The following TLK1 variants were observed in gnomAD, a reference collection of about 807,000 sequenced individuals.
The protein encoded by TLK1 is serine/threonine-protein kinase tousled-like 1.
TLK1 carries 24 observed loss-of-function variants against 105.3 expected under a neutral mutation model. That is an observed-to-expected ratio of 0.23 (90% confidence interval 0.17 to 0.32). The LOEUF (loss-of-function observed/expected upper bound fraction) is 0.32. TLK1 is among the 10% of genes least tolerant of loss of function. The pLI, the probability that TLK1 is intolerant of heterozygous loss-of-function variation, is 1.00. For missense variants in TLK1, 558 were observed against 910.5 expected (o/e 0.61, Z 4.98); for synonymous variants, 321 against 310.4 (o/e 1.03, Z -0.36).
chr2:171,104,176 T>C (rs1020374013), intron 2 of TLK1, among the ~76,000 whole-genome samples: 1 of 151,608 alleles, frequency 6.6e-6, no homozygotes, highest in Non-Finnish European at 1.5e-5. Flanking sequence ...CTTGGGAGGC[T>C]GAGGCATGAG....
chr2:170,995,852 G>A (rs1002621903), intron 20 of TLK1, among the ~76,000 whole-genome samples: 12 of 152,220 alleles, frequency 7.9e-5, no homozygotes, highest in African/African-American at 2.6e-4. Flanking sequence ...AAAGGCACGG[G>A]CCCCTACACC....
intron 3 of TLK1, among the ~76,000 whole-genome samples, chr2:171,081,219 C>T (rs1688738498): frequency 6.6e-6 from 1 of 152,044 alleles, no homozygotes; most frequent in Non-Finnish European, 1.5e-5. Context: ...AGACTAATTC[C>T]TCTGAAAAAA....
chr2:171,143,027 A>C (rs1421049244), intron 1 of TLK1, among the ~76,000 whole-genome samples: 1 of 152,200 alleles, frequency 6.6e-6, no homozygotes, highest in Non-Finnish European at 1.5e-5. Flanking sequence ...GCATTGAGCC[A>C]AGATCATGCC....
intron 1 of TLK1, among the ~76,000 whole-genome samples, chr2:171,229,395 T>G (rs1254374589): frequency 6.6e-6 from 1 of 152,204 alleles, no homozygotes; most frequent in Non-Finnish European, 1.5e-5. Flanking sequence ...TTTTTTGACT[T>G]GCATTCACAT....
intron 1 of TLK1, among the ~76,000 whole-genome samples, chr2:171,203,652 T>A (rs1326777362): frequency 6.6e-6 from 1 of 152,222 alleles, no homozygotes; most frequent in Non-Finnish European, 1.5e-5. Flanking sequence ...GCTAGGAGCA[T>A]GAGCATTGAG....
At chr2:171,147,371 T>C (rs1367384763) in intron 1 of TLK1, among the ~76,000 whole-genome samples, 1 of 152,114 alleles carries the variant, frequency 6.6e-6, no homozygotes, top group Non-Finnish European at 1.5e-5. Flanking sequence ...GACATAAAAA[T>C]ACTCGCCCCC....
At chr2:171,195,376 G>C (rs188689164) in intron 1 of TLK1, among the ~76,000 whole-genome samples, 5 of 151,754 alleles carry the variant, frequency 3.3e-5, no homozygotes, top group South Asian at 2.1e-4. Flanking sequence ...GGTGGTGGGC[G>C]CCTGTAGTCC....
At chr2:171,029,200 A>C (rs994610433) in intron 11 of TLK1, among the ~76,000 whole-genome samples, 1 of 152,224 alleles carries the variant, frequency 6.6e-6, no homozygotes, top group African/African-American at 2.4e-5. Context: ...AGTAATGGGA[A>C]ATCACTGCAA....
chr2:170,997,384 TG>T (rs1247294687), intron 19 of TLK1, among the ~76,000 whole-genome samples: 1 of 151,824 alleles, frequency 6.6e-6, no homozygotes, highest in East Asian at 1.9e-4. Context: ...GTGGGTGGGG[TG>T]GGGGGTGTAA....
chr2:170,994,013 A>G, intron 20 of TLK1, 57 bp from the exon 21 acceptor site: 1 of 1,490,754 alleles, frequency 6.7e-7, no homozygotes, highest in East Asian at 2.4e-5. Context: ...TCTAAATATC[A>G]ATCAACTGAA....
intron 11 of TLK1, among the ~76,000 whole-genome samples, chr2:171,033,067 G>A (rs1227538335): frequency 3.3e-5 from 5 of 152,144 alleles, no homozygotes; most frequent in South Asian, 4.1e-4. Context: ...TTAGCCAGGC[G>A]TGGTGATGGG....
intron 20 of TLK1, among the ~76,000 whole-genome samples, chr2:170,995,324 T>C (rs1684003070): frequency 6.6e-6 from 1 of 151,998 alleles, no homozygotes; most frequent in Non-Finnish European, 1.5e-5. Context: ...AATATAGAGA[T>C]ATTATATATT....
intron 1 of TLK1, among the ~76,000 whole-genome samples, chr2:171,171,493 G>A (rs1692724974): frequency 7.2e-6 from 1 of 139,144 alleles, no homozygotes; most frequent in African/African-American, 2.7e-5. Flanking sequence ...CTCTTACACT[G>A]CCCTCATCTC....
At chr2:171,230,353 A>G (rs1245087356) in intron 1 of TLK1, among the ~76,000 whole-genome samples, 1 of 152,186 alleles carries the variant, frequency 6.6e-6, no homozygotes, top group Non-Finnish European at 1.5e-5. Context: ...GCTGTCCCCA[A>G]AGATAAGATC....
chr2:171,222,163 G>A (rs1021547855), intron 1 of TLK1, among the ~76,000 whole-genome samples: 2 of 152,240 alleles, frequency 1.3e-5, no homozygotes, highest in Admixed American at 6.5e-5. Context: ...GCTATAAAAT[G>A]CTGTAGACTC....
intron 1 of TLK1, among the ~76,000 whole-genome samples, chr2:171,148,051 C>T (rs1434947565): frequency 1.3e-5 from 2 of 152,030 alleles, no homozygotes; most frequent in African/African-American, 2.4e-5. Context: ...CCACCACGCC[C>T]GGCTAATTTT....
At chr2:171,003,124 A>C (rs1278655684) in intron 18 of TLK1, among the ~76,000 whole-genome samples, 1 of 151,568 alleles carries the variant, frequency 6.6e-6, no homozygotes, top group Non-Finnish European at 1.5e-5. Flanking sequence ...AATACAAAAA[A>C]TTGGCCAGGT....
At chr2:171,016,611 A>C (rs1685227259) in intron 12 of TLK1, among the ~76,000 whole-genome samples, 1 of 152,196 alleles carries the variant, frequency 6.6e-6, no homozygotes, top group Non-Finnish European at 1.5e-5. Flanking sequence ...TTGATATAAA[A>C]AATTATTTAC....
Position 171,055,076 on chromosome 2 carries a change from C to A in TLK1, c.639+7G>T. 2 of 1,443,324 alleles carry A rather than the reference C, an allele frequency of 1.4e-6. No individual in the cohort carries two copies. Among genetic ancestry groups the A allele is most frequent in the South Asian group, 1.6e-5 (1 of 62,424 alleles). 89.4% of individuals were successfully genotyped at this position (1,443,324 alleles called of 1,614,324 possible). On this transcript the variant is annotated splice_region_variant and intron_variant, in intron 7 of 20. Transcript: ENST00000431350. ...CCATAGAAAAAAACATTTTAATTATCATTTACCTGAATAATTTTAAAGGAT... is the reference window on the plus strand; with the variant it reads ...CCATAGAAAAAAACATTTTAATTATAATTTACCTGAATAATTTTAAAGGAT...
Sources: gnomAD v4.1 joint callset for allele counts (sites outside exome capture counted in the v4.1 genomes callset) on GRCh38, gnomAD v4.1.1 for gene constraint, MANE v1.5 for transcripts, NCBI Gene and HGNC (gene_info 2026-07-23, HGNC 2026-07-21) for gene names.